HS6ST3: variants seen among roughly 807,000 people sequenced by gnomAD.
The protein encoded by HS6ST3 is heparan sulfate 6-O-sulfotransferase 3.
A neutral mutation model predicts 36.7 loss-of-function variants in HS6ST3; 12 were observed. The ratio of observed to expected loss-of-function variants is 0.33; its 90% CI spans 0.21 to 0.53. The LOEUF is 0.53. Among genes scored for constraint, HS6ST3 ranks in the 20% least tolerant of loss-of-function variants. The pLI is 0.95. For synonymous variants in HS6ST3, 240 were observed against 257.5 expected, an observed-to-expected ratio of 0.93 and a Z score of 0.65; for missense variants, 584 against 640.9, an observed-to-expected ratio of 0.91 and a Z score of 0.96.
chr13:96,206,883 C>G (rs2054373134), intron 1 of HS6ST3, among the ~76,000 whole-genome samples: 1 of 152,140 alleles, frequency 6.6e-6, no homozygotes, highest in Non-Finnish European at 1.5e-5. Context: ...AAACACCATT[C>G]AGGACATAGG....
intron 1 of HS6ST3, among the ~76,000 whole-genome samples, chr13:96,461,745 C>T (rs12430442): frequency 0.024 from 3,644 of 152,194 alleles, 117 homozygotes; most frequent in Admixed American, 0.086. Flanking sequence ...GTGACTCCAC[C>T]AGATACTTGG....
chr13:96,578,940 T>C (rs1248943203), intron 1 of HS6ST3, among the ~76,000 whole-genome samples: 1 of 152,196 alleles, frequency 6.6e-6, no homozygotes, highest in African/African-American at 2.4e-5. Flanking sequence ...AACCCAGAGC[T>C]AGGACATTCT....
chr13:96,099,227 C>T (rs911883575), intron 1 of HS6ST3, among the ~76,000 whole-genome samples: 3 of 152,136 alleles, frequency 2.0e-5, no homozygotes, highest in Non-Finnish European at 2.9e-5. Context: ...CAGGTGTGAG[C>T]CACCACACCC....
At chr13:96,125,030 A>G (rs2053943851) in intron 1 of HS6ST3, among the ~76,000 whole-genome samples, 1 of 152,178 alleles carries the variant, frequency 6.6e-6, no homozygotes, top group Non-Finnish European at 1.5e-5. Context: ...GTTGAAATTT[A>G]GTGTGCAGCC....
At chr13:96,401,220 CT>C (rs1468075516) in intron 1 of HS6ST3, among the ~76,000 whole-genome samples, 1 of 152,160 alleles carries the variant, frequency 6.6e-6, no homozygotes, top group Admixed American at 6.6e-5. Context: ...AAAGACCAAT[CT>C]TTGTTACTAT....
intron 1 of HS6ST3, among the ~76,000 whole-genome samples, chr13:96,238,882 A>C (rs973323830): frequency 1.1e-4 from 16 of 152,254 alleles, no homozygotes; most frequent in Non-Finnish European, 2.4e-4. Flanking sequence ...AAAATGATCC[A>C]GATTGTAAGA....
intron 1 of HS6ST3, among the ~76,000 whole-genome samples, chr13:96,348,970 TA>T (rs1197790818): frequency 1.3e-5 from 2 of 152,186 alleles, no homozygotes; most frequent in Non-Finnish European, 2.9e-5. Context: ...GAAAGAGATT[TA>T]AAAAGTTTAG....
intron 1 of HS6ST3, among the ~76,000 whole-genome samples, chr13:96,182,200 CTT>C (rs1314999818): frequency 6.6e-6 from 1 of 152,200 alleles, no homozygotes; most frequent in Admixed American, 6.5e-5. Flanking sequence ...AAAGTCCTCT[CTT>C]ACATTAATTT....
rs531447078 is a variant in HS6ST3 at position 96,769,771 on chromosome 13, T to TGC, written c.708-62718_708-62717insCG. 8.3e-3 allele frequency among the ~76,000 whole-genome samples: 1,169 copies of TGC among 141,146 alleles called. 12 individuals are homozygous for TGC. The highest frequency in any genetic ancestry group is 0.021 in the South Asian group (87 of 4,184). The allele number at this position is 141,146 out of a possible 152,430, so 92.6% of individuals were successfully genotyped here. Reference sequence around the variant, plus strand: ...GTGTGTGTGTGTGTGTGTGTGTGTGTGTGCGCACATATGTATTCTAGTTTT... The same window carrying TGC: ...GTGTGTGTGTGTGTGTGTGTGTGTGTGCGTGCGCACATATGTATTCTAGTTTT... On this transcript the variant is annotated intron_variant, in intron 1 of 1. Transcript: ENST00000376705.
At chr13:96,637,126 T>C (rs2056552738) in intron 1 of HS6ST3, among the ~76,000 whole-genome samples, 1 of 152,200 alleles carries the variant, frequency 6.6e-6, no homozygotes, top group Admixed American at 6.5e-5. Flanking sequence ...TTGCTGGTGC[T>C]TGATGAATTC....
rs191306245 is a variant in HS6ST3, at chr13:96,416,993, G to T, written c.707+325424G>T. 1.7e-3 allele frequency among the ~76,000 whole-genome samples: 251 copies of T among 151,942 alleles called. 2 individuals are homozygous for T. The highest frequency in any genetic ancestry group is 3.1e-3 in the East Asian group (16 of 5,160). On this transcript the variant is annotated intron_variant, in intron 1 of 1. Coordinates refer to ENST00000376705, the MANE Select transcript of HS6ST3 (RefSeq NM_153456.4). ...TCTCGATCTCTAGACCTTGTGATCC[G>T]CCCGCCTCTGCCTCCCGAAATGCTG...
chr13:96,460,639 T>C (rs1046103243), intron 1 of HS6ST3, among the ~76,000 whole-genome samples: 1 of 152,208 alleles, frequency 6.6e-6, no homozygotes, highest in Non-Finnish European at 1.5e-5. Flanking sequence ...GAAATACATG[T>C]GCATTGGTAT....
At chr13:96,118,709 T>A (rs2053910372) in intron 1 of HS6ST3, among the ~76,000 whole-genome samples, 1 of 102,686 alleles carries the variant, frequency 9.7e-6, no homozygotes, top group African/African-American at 4.0e-5. Flanking sequence ...TTTTTTTTTT[T>A]TTTTTTTTTT....
intron 1 of HS6ST3, among the ~76,000 whole-genome samples, chr13:96,407,002 T>C (rs1309444578): frequency 6.6e-6 from 1 of 152,260 alleles, no homozygotes; most frequent in East Asian, 1.9e-4. Context: ...GGTCATTCTA[T>C]AATTCAGCTT....
chr13:96,408,009 C>T (rs1448930541), intron 1 of HS6ST3, among the ~76,000 whole-genome samples: 1 of 152,090 alleles, frequency 6.6e-6, no homozygotes, highest in Admixed American at 6.6e-5. Flanking sequence ...GGCACGATCT[C>T]GGCTCACTGC....
chr13:96,569,641 C>T (rs1247917668), intron 1 of HS6ST3, among the ~76,000 whole-genome samples: 3 of 152,004 alleles, frequency 2.0e-5, no homozygotes, highest in Admixed American at 6.6e-5. Flanking sequence ...ATAACACCCA[C>T]ATTTTCCTCT....
At chr13:96,495,920 C>T (rs888775588) in intron 1 of HS6ST3, among the ~76,000 whole-genome samples, 16 of 152,226 alleles carry the variant, frequency 1.1e-4, no homozygotes, top group African/African-American at 3.6e-4. Context: ...CAGCATAAGG[C>T]CCCCACGCAA....
intron 1 of HS6ST3, among the ~76,000 whole-genome samples, chr13:96,162,769 A>C (rs2054141969): frequency 6.6e-6 from 1 of 152,200 alleles, no homozygotes; most frequent in Non-Finnish European, 1.5e-5. Context: ...ATTTTATGTT[A>C]TCTAGGAGTT....
At chr13:96,557,989 A>G (rs1418305757) in intron 1 of HS6ST3, among the ~76,000 whole-genome samples, 3 of 152,226 alleles carry the variant, frequency 2.0e-5, no homozygotes, top group Admixed American at 6.5e-5. Flanking sequence ...AAATAAGTAT[A>G]TAAATTCTCT....
Sources: allele counts gnomAD v4.1 joint callset (sites outside exome capture counted in the v4.1 genomes callset), GRCh38; gene constraint gnomAD v4.1.1; transcripts MANE v1.5; gene names NCBI Gene and HGNC (gene_info 2026-07-23, HGNC 2026-07-21).